The following HTR3A variants were observed in gnomAD, a reference collection of about 807,000 sequenced individuals.
HTR3A encodes 5-hydroxytryptamine (serotonin) receptor 3A, ionotropic.
In HTR3A, 45 loss-of-function variants were observed where a neutral mutation model predicts 54.8. That is an observed-to-expected ratio of 0.82 (90% CI 0.65 to 1.05). The LOEUF (loss-of-function observed/expected upper bound fraction) is 1.05, where lower values mean the gene tolerates loss of function less well. HTR3A is among the 50% of genes least tolerant of loss of function. The pLI, the probability that HTR3A is intolerant of heterozygous loss-of-function variation, is 0.00. For missense variants in HTR3A, 657 were observed against 614.0 expected (o/e 1.07, Z -0.74); for synonymous variants, 297 against 256.0 (o/e 1.16, Z -1.53).
chr11:113,977,682 G>A (rs907672838), intron 1 of HTR3A, 89 bp from the exon 2 acceptor site: 30 of 1,539,262 alleles, frequency 1.9e-5, no homozygotes, highest in South Asian at 3.5e-5. Flanking sequence ...GTGGGGATAC[G>A]TCTCTTTTAA....
intron 2 of HTR3A, 42 bp downstream of exon 2, chr11:113,977,964 G>A (rs760495766): frequency 1.9e-6 from 3 of 1,613,474 alleles, no homozygotes; most frequent in South Asian, 1.1e-5. Flanking sequence ...GACCTTTTGG[G>A]GGTGGGAGAA....
chr11:113,977,628 G>C, intron 1 of HTR3A, 143 bp from the exon 2 acceptor site: 1 of 1,497,924 alleles, frequency 6.7e-7, no homozygotes, highest in Non-Finnish European at 9.1e-7. Flanking sequence ...TGCTCTAGTG[G>C]TGAGAATGTC....
At chr11:113,982,016 G>T (rs528476320) in intron 4 of HTR3A, among the ~76,000 whole-genome samples, 1 of 151,124 alleles carries the variant, frequency 6.6e-6, no homozygotes, top group Admixed American at 6.6e-5. Context: ...CTTCTGGCCC[G>T]CAAAGGAGAT....
rs1446290876 is a variant in HTR3A at position 113,985,921 on chromosome 11, C to A, written c.545-94C>A. The A allele has an allele frequency of 1.6e-5, 22 of 1,341,778 alleles. No homozygotes were observed. The Admixed American group carries it at 1.7e-4, about 10-fold the overall frequency. The allele number at this position is 1,341,778 out of a possible 1,614,324, so 83.1% of individuals were successfully genotyped here. ...AGGTTGGGCCATCGGATATCAGCTCCCCTTAATTGCTGCCCACCTGTGTCC... is the reference window on the plus strand; with the variant it reads ...AGGTTGGGCCATCGGATATCAGCTCACCTTAATTGCTGCCCACCTGTGTCC... On this transcript the variant is annotated intron_variant, in intron 5 of 8. Transcript: ENST00000504030.
intron 2 of HTR3A, among the ~76,000 whole-genome samples, chr11:113,978,593 A>T (rs1164754716): frequency 1.3e-5 from 2 of 152,152 alleles, no homozygotes; most frequent in Admixed American, 1.3e-4. Flanking sequence ...CAGGTCTCGA[A>T]CACCTGGCCT....
intron 5 of HTR3A, among the ~76,000 whole-genome samples, chr11:113,985,124 A>T (rs1292263914): frequency 6.6e-6 from 1 of 152,226 alleles, no homozygotes; most frequent in Non-Finnish European, 1.5e-5. Flanking sequence ...AACTTCATCT[A>T]GCACAGTATA....
chr11:113,986,320 A>G (rs1281270602), intron 6 of HTR3A, 145 bp downstream of exon 6: 1 of 1,161,318 alleles, frequency 8.6e-7, no homozygotes, highest in Non-Finnish European at 1.3e-6. Context: ...AGATGGAGAA[A>G]CTCCATGAAT....
At chr11:113,987,109 G>T in intron 8 of HTR3A, 63 bp downstream of exon 8, 1 of 1,553,304 alleles carries the variant, frequency 6.4e-7, no homozygotes. Flanking sequence ...GTTGTGGAAA[G>T]TCTCTGGAGG....
At chr11:113,983,634 A>G (rs1950451701) in intron 5 of HTR3A, among the ~76,000 whole-genome samples, 1 of 152,182 alleles carries the variant, frequency 6.6e-6, no homozygotes, top group Admixed American at 6.5e-5. Flanking sequence ...ACATTAATAT[A>G]TCAGTATTCA....
intron 3 of HTR3A, among the ~76,000 whole-genome samples, chr11:113,980,844 A>G (rs1314278482): frequency 6.6e-6 from 1 of 152,238 alleles, no homozygotes; most frequent in Non-Finnish European, 1.5e-5. Context: ...AGCGGTCTCC[A>G]CCCTGTGAAG....
chr11:113,986,128 G>A lies in HTR3A; in HGVS notation c.658G>A (p.Glu220Lys), dbSNP rs942670635. Residue 220 changes from glutamate to lysine, a missense_variant, in exon 6 of 9, where the codon GAG (glutamate) becomes AAG (lysine). Coordinates refer to ENST00000504030, the MANE Select transcript of HTR3A (RefSeq NM_000869.6). ...ELLGVLPYFREFSMESSNYYA... is the reference protein window; with the variant it reads ...ELLGVLPYFRKFSMESSNYYA... ...GCTGGGGGTGCTGCCCTACTTTCGG[G>A]AGTTCAGCATGGAAAGCAGTAACTA... The A allele has an allele frequency of 4.3e-6, 7 of 1,614,064 alleles. No individual in the cohort carries two copies. The African/African-American group carries it at 6.7e-5, about 15-fold the overall frequency.
At chr11:113,978,227 G>A (rs930357775) in intron 2 of HTR3A, among the ~76,000 whole-genome samples, 10 of 152,114 alleles carry the variant, frequency 6.6e-5, no homozygotes, top group Non-Finnish European at 1.3e-4. Context: ...GGATTAAGAC[G>A]GTCCCATGCA....
intron 5 of HTR3A, among the ~76,000 whole-genome samples, chr11:113,985,703 G>GTA (rs1196229216): frequency 3.3e-5 from 5 of 152,090 alleles, no homozygotes; most frequent in Admixed American, 3.3e-4. Flanking sequence ...AGGGGTGTGT[G>GTA]TGTGTGTGTG....
rs112710712 is a variant in HTR3A, at chr11:113,977,128, G to A, written c.68-643G>A. Among the ~76,000 whole-genome samples, 174 of 152,246 alleles carry A rather than the reference G, an allele frequency of 1.1e-3. 1 individual carries two copies. The highest frequency in any genetic ancestry group is 3.9e-3 in the African/African-American group (164 of 41,554). The stretch of plus-strand genomic sequence containing the variant: ...ACAGCAACCCTAGGAGGTGGACTGG[G>A]CCAGCCCTCCACCCATAGCTTGTGT... On this transcript the variant is annotated intron_variant, in intron 1 of 8. Coordinates refer to ENST00000504030, the MANE Select transcript of HTR3A (RefSeq NM_000869.6).
At chr11:113,988,156 T>C (rs541760859) in intron 8 of HTR3A, among the ~76,000 whole-genome samples, 2 of 152,358 alleles carry the variant, frequency 1.3e-5, no homozygotes, top group East Asian at 3.9e-4. Flanking sequence ...GCCCTTTACA[T>C]GAGATTTTTG....
intron 1 of HTR3A, among the ~76,000 whole-genome samples, chr11:113,976,530 G>A (rs2850620): frequency 2.0e-5 from 3 of 150,578 alleles, no homozygotes; most frequent in African/African-American, 7.3e-5. Context: ...TGAAGAATAT[G>A]TTTATTGATG....
chr11:113,981,917 C>T (rs919403408), intron 4 of HTR3A, among the ~76,000 whole-genome samples: 1 of 151,442 alleles, frequency 6.6e-6, no homozygotes, highest in African/African-American at 2.4e-5. Context: ...GAGATCACAC[C>T]ATTACACTCC....
chr11:113,977,446 G>C, intron 1 of HTR3A: 2 of 1,112,648 alleles, frequency 1.8e-6, no homozygotes, highest in Non-Finnish European at 2.5e-6. Context: ...CCTCGCTTAG[G>C]CCCCGTGGGC....
At chr11:113,988,530 A>T (rs1950518291) in intron 8 of HTR3A, among the ~76,000 whole-genome samples, 1 of 152,164 alleles carries the variant, frequency 6.6e-6, no homozygotes. Context: ...TGGGAGGCCA[A>T]GGGGGGTGGT....
Sources: gnomAD v4.1 joint callset for allele counts (sites outside exome capture counted in the v4.1 genomes callset) on GRCh38, gnomAD v4.1.1 for gene constraint, MANE v1.5 for transcripts, NCBI Gene and HGNC (gene_info 2026-07-23, HGNC 2026-07-21) for gene names.